Variants in TMEM260 observed in about 807,000 individuals in gnomAD.
TMEM260 encodes the protein protein O-mannosyl-transferase TMEM260.
TMEM260 carries 82 observed loss-of-function variants against 88.9 expected under a neutral mutation model. That is an observed-to-expected ratio of 0.92 (90% CI 0.77 to 1.11). The LOEUF is 1.11. Among genes scored for constraint, TMEM260 ranks in the 50% least tolerant of loss-of-function variants. The pLI is 0.00. For synonymous variants in TMEM260, 314 were observed against 309.3 expected, an observed-to-expected ratio of 1.02 and a Z score of -0.16; for missense variants, 902 against 853.4, an observed-to-expected ratio of 1.06 and a Z score of -0.71.
rs1889093664 is a variant in TMEM260, at chr14:56,636,521, T to C, written c.1792T>C (p.Phe598Leu). The C allele has an allele frequency of 5.0e-6, 8 of 1,613,986 alleles. No homozygotes were observed. The highest frequency in any genetic ancestry group is 6.8e-6 in the Non-Finnish European group (8 of 1,179,926). ...EMWQARMKTP[F>L]FIFNLAETAH... ...CCCCACCCCCAGGATGAAAACACCG[T>C]TCTTCATCTTTAACCTGGCAGAAAC... The change falls in exon 15 of 16, where the codon TTC (phenylalanine) becomes CTC (leucine). Residue 598 changes from phenylalanine to leucine, a missense_variant. Physicochemically the swap from Phe to Leu is conservative, Grantham distance 22 (BLOSUM62 0). Transcript: ENST00000261556.
chr14:56,635,439 G>T (rs931526328), intron 14 of TMEM260, among the ~76,000 whole-genome samples: 1 of 151,966 alleles, frequency 6.6e-6, no homozygotes, highest in Non-Finnish European at 1.5e-5. Context: ...CTACCCTCAT[G>T]AAGCTCATAG....
At position 56,586,246 on chromosome 14, in the gene TMEM260, C is replaced by T. The variant is rs964104337; in HGVS notation, c.344+334C>T. ...TCATCTTTTGGTAAATGGTAAATAT[C>T]ATTTAATTATTCACAGTATTGCTGA... On this transcript the variant is annotated intron_variant, in intron 3 of 15. Coordinates refer to ENST00000261556, the MANE Select transcript of TMEM260 (RefSeq NM_017799.4). 3.3e-5 allele frequency among the ~76,000 whole-genome samples: 5 copies of T among 152,088 alleles called. No individual in the cohort carries two copies. In the South Asian group the frequency reaches 1.0e-3, roughly 32 times the overall value.
At chr14:56,617,325 A>G in intron 9 of TMEM260, 28 bp downstream of exon 9, 1 of 1,456,466 alleles carries the variant, frequency 6.9e-7, no homozygotes, top group Non-Finnish European at 9.4e-7. Context: ...ATATCCTTTG[A>G]CCAGAAAGTT....
At chr14:56,651,640 G>A (rs2139669121), downstream of TMEM260, among the ~76,000 whole-genome samples, 1 of 152,314 alleles carries the variant, frequency 6.6e-6, no homozygotes, top group East Asian at 1.9e-4. Context: ...CACAATTATG[G>A]GGCTATACTC....
At chr14:56,635,407 A>G (rs1163885805) in intron 14 of TMEM260, among the ~76,000 whole-genome samples, 2 of 152,222 alleles carry the variant, frequency 1.3e-5, no homozygotes, top group Admixed American at 6.5e-5. Context: ...TTGAAGCTAC[A>G]CATATGAATA....
chr14:56,597,761 G>A (rs938934244), intron 3 of TMEM260, among the ~76,000 whole-genome samples: 9 of 152,110 alleles, frequency 5.9e-5, no homozygotes, highest in African/African-American at 1.9e-4. Flanking sequence ...TGGATGGAGG[G>A]AAGATTAGCT....
chr14:56,605,973 A>G lies in TMEM260; in HGVS notation c.636+290A>G, dbSNP rs199541025. Reference sequence around the variant, plus strand: ...GCAACAATATCAAATTTTCTTAATTATCGTTTTATACATTCTAAAACACAG... The same window carrying G: ...GCAACAATATCAAATTTTCTTAATTGTCGTTTTATACATTCTAAAACACAG... On this transcript the variant is annotated intron_variant, in intron 5 of 15. Transcript: ENST00000261556. Among the ~76,000 whole-genome samples, 49 of 152,340 alleles carry G rather than the reference A, an allele frequency of 3.2e-4. No homozygotes were observed. The East Asian group carries it at 9.3e-3, about 29-fold the overall frequency.
chr14:56,621,414 T>C, intron 10 of TMEM260, 117 bp from the exon 11 acceptor site: 1 of 700,324 alleles, frequency 1.4e-6, no homozygotes, highest in Non-Finnish European at 2.3e-6. Context: ...TAGAATGTAT[T>C]GAAACACTAA....
intron 3 of TMEM260, among the ~76,000 whole-genome samples, chr14:56,592,365 A>G (rs1034405728): frequency 1.3e-5 from 2 of 152,210 alleles, no homozygotes; most frequent in African/African-American, 4.8e-5. Context: ...GAAAAGATTT[A>G]TAATCTACTG....
chr14:56,591,175 T>A (rs1160505663), intron 3 of TMEM260, among the ~76,000 whole-genome samples: 1 of 152,212 alleles, frequency 6.6e-6, no homozygotes, highest in Admixed American at 6.5e-5. Context: ...CTGGAACTAG[T>A]CATCAGTTAT....
chr14:56,637,283 T>C (rs1003031975), intron 15 of TMEM260, among the ~76,000 whole-genome samples: 5 of 152,240 alleles, frequency 3.3e-5, no homozygotes, highest in African/African-American at 9.6e-5. Context: ...GCAAAGGTCA[T>C]GACCCTGGCT....
intron 3 of TMEM260, among the ~76,000 whole-genome samples, chr14:56,600,283 G>A (rs954107002): frequency 7.2e-5 from 11 of 152,054 alleles, no homozygotes; most frequent in Non-Finnish European, 1.3e-4. Context: ...TCTGTTTTGC[G>A]CAAGACTAGG....
rs1046352384 is a variant in TMEM260, at chr14:56,645,038, T to C, written c.1870-2205T>C. On this transcript the variant is annotated intron_variant, in intron 15 of 15. Coordinates refer to ENST00000261556, the MANE Select transcript of TMEM260 (RefSeq NM_017799.4). Reference sequence around the variant, plus strand: ...TGGAGAAATAGGAACACTTTTACACTGTTGGTGGGACTGTAAACTAGTTCA... The same window carrying C: ...TGGAGAAATAGGAACACTTTTACACCGTTGGTGGGACTGTAAACTAGTTCA... Among the ~76,000 whole-genome samples the C allele has an allele frequency of 1.7e-4, 25 of 150,986 alleles. 1 individual carries two copies. Among genetic ancestry groups the C allele is most frequent in the African/African-American group, 5.1e-4 (21 of 41,190 alleles).
At chr14:56,612,191 A>G (rs1219400419) in intron 6 of TMEM260, 54 bp from the exon 7 acceptor site, 12 of 1,472,282 alleles carry the variant, frequency 8.2e-6, no homozygotes, top group Non-Finnish European at 1.1e-5. Flanking sequence ...ACAATAGCCT[A>G]ATAAAGCGTC....
chr14:56,652,468 A>C (rs1890223265), downstream of TMEM260, among the ~76,000 whole-genome samples: 1 of 147,466 alleles, frequency 6.8e-6, no homozygotes, highest in African/African-American at 2.5e-5. Flanking sequence ...ACTGCACTCC[A>C]GCCTTGGTGA....
At chr14:56,581,659 T>A (rs1025442729) in intron 1 of TMEM260, among the ~76,000 whole-genome samples, 3 of 152,240 alleles carry the variant, frequency 2.0e-5, no homozygotes, top group African/African-American at 7.2e-5. Context: ...GTGCTTTATA[T>A]GGGTTGTTGT....
chr14:56,650,112 AGT>A, downstream of TMEM260: 1 of 455,698 alleles, frequency 2.2e-6, no homozygotes, highest in South Asian at 1.6e-5. Context: ...GGTTTCCTGT[AGT>A]CTGACCCCCG....
intron 3 of TMEM260, among the ~76,000 whole-genome samples, chr14:56,597,098 C>T (rs565679716): frequency 1.3e-5 from 2 of 152,126 alleles, no homozygotes; most frequent in South Asian, 2.1e-4. Flanking sequence ...TTGCAAAAGA[C>T]GATGCTTATA....
chr14:56,579,879 C>G lies in TMEM260; in HGVS notation c.-36C>G, dbSNP rs775494028. 12 of 1,231,644 alleles carry G rather than the reference C, an allele frequency of 9.7e-6. No individual in the cohort carries two copies. In the African/African-American group the frequency reaches 1.1e-4, roughly 11 times the overall value. The allele number at this position is 1,231,644 out of a possible 1,614,324, so 76.3% of individuals were successfully genotyped here. A position where few individuals can be genotyped will look rare whatever the true frequency, so the allele number is the denominator to read the frequency against. ...CTCCGTGTCGCACCGGGTTCTTGGG[C>G]TGGCCGTGTCCTTCTCCCTCGGTCG... On this transcript the variant is annotated 5_prime_UTR_variant, in exon 1 of 16. Coordinates refer to ENST00000261556, the MANE Select transcript of TMEM260 (RefSeq NM_017799.4).
Sources: gnomAD v4.1 joint callset for allele counts (sites outside exome capture counted in the v4.1 genomes callset) on GRCh38, gnomAD v4.1.1 for gene constraint, MANE v1.5 for transcripts, NCBI Gene and HGNC (gene_info 2026-07-23, HGNC 2026-07-21) for gene names.